AFG2A: variants seen among roughly 807,000 people sequenced by gnomAD.
AFG2A encodes AAA ATPase AFG2A.
chr4:122,948,533 G>T, the AFG2A span, among the ~76,000 whole-genome samples: 2 of 151,928 alleles, frequency 1.3e-5, no homozygotes, highest in Non-Finnish European at 1.5e-5. Flanking sequence ...GTAAACTGGA[G>T]AATCACAATT....
At chr4:123,015,648 G>A in the AFG2A span, among the ~76,000 whole-genome samples, 123,910 of 149,118 alleles carry the variant, frequency 0.83, 52,683 homozygotes, top group East Asian at 0.95. Context: ...TCCCCTTTCT[G>A]TTCCACAAAA....
the AFG2A span, among the ~76,000 whole-genome samples, chr4:123,177,303 C>T: frequency 3.3e-5 from 5 of 151,844 alleles, no homozygotes; most frequent in African/African-American, 1.2e-4. Context: ...AGCAATTCTC[C>T]TGCCTCAGCC....
chr4:122,991,878 A>G, the AFG2A span, among the ~76,000 whole-genome samples: 1 of 152,302 alleles, frequency 6.6e-6, no homozygotes, highest in African/African-American at 2.4e-5. Flanking sequence ...TTTCTCTAGA[A>G]TCGATGTTAT....
At chr4:123,072,741 A>G in the AFG2A span, among the ~76,000 whole-genome samples, 1 of 152,162 alleles carries the variant, frequency 6.6e-6, no homozygotes, top group Non-Finnish European at 1.5e-5. Flanking sequence ...TTGTTTTTCA[A>G]GAAGTCCAGT....
the AFG2A span, among the ~76,000 whole-genome samples, chr4:123,036,668 A>C: frequency 6.6e-6 from 1 of 152,128 alleles, no homozygotes; most frequent in African/African-American, 2.4e-5. Flanking sequence ...AACTTGCCTA[A>C]TTGTAGCCAG....
the AFG2A span, among the ~76,000 whole-genome samples, chr4:123,179,828 C>T: frequency 1.3e-5 from 2 of 152,102 alleles, no homozygotes; most frequent in African/African-American, 4.8e-5. Context: ...AAATCATTAA[C>T]AGAAAATGTG....
chr4:123,212,027 T>G, the AFG2A span, among the ~76,000 whole-genome samples: 1 of 152,152 alleles, frequency 6.6e-6, no homozygotes, highest in African/African-American at 2.4e-5. Flanking sequence ...TACATACACA[T>G]TTCTGTACTG....
chr4:123,284,531 G>A, the AFG2A span, among the ~76,000 whole-genome samples: 2 of 152,192 alleles, frequency 1.3e-5, no homozygotes, highest in African/African-American at 4.8e-5. Flanking sequence ...AGTGGTAGAT[G>A]TCAGCATGAT....
At chr4:123,016,798 T>C in the AFG2A span, among the ~76,000 whole-genome samples, 5 of 152,196 alleles carry the variant, frequency 3.3e-5, no homozygotes, top group Admixed American at 6.5e-5. Context: ...TGTAGCGAGC[T>C]GAGATCACGC....
the AFG2A span, among the ~76,000 whole-genome samples, chr4:122,969,228 G>A: frequency 1.3e-5 from 2 of 151,922 alleles, no homozygotes; most frequent in South Asian, 4.2e-4. Context: ...CTACTGTTAG[G>A]TATATTTTCT....
chr4:123,091,925 A>C, the AFG2A span, among the ~76,000 whole-genome samples: 1 of 152,214 alleles, frequency 6.6e-6, no homozygotes, highest in Admixed American at 6.5e-5. Context: ...GTACATATAC[A>C]CATTCTTTCA....
chr4:123,090,541 A>G, the AFG2A span: 12 of 1,609,152 alleles, frequency 7.5e-6, no homozygotes, highest in African/African-American at 1.5e-4. Context: ...ATTTGAAGAT[A>G]AGTAAAGATA....
At chr4:123,180,889 T>C in the AFG2A span, among the ~76,000 whole-genome samples, 5 of 151,972 alleles carry the variant, frequency 3.3e-5, no homozygotes, top group Non-Finnish European at 2.9e-5. Context: ...AAGGTCTGGG[T>C]AGTAAATATT....
the AFG2A span, among the ~76,000 whole-genome samples, chr4:123,068,395 A>T: frequency 1.1e-4 from 17 of 152,222 alleles, no homozygotes; most frequent in Non-Finnish European, 2.9e-5. Flanking sequence ...AATCTTCAGC[A>T]TTAATTACAG....
the AFG2A span, among the ~76,000 whole-genome samples, chr4:123,112,929 T>C: frequency 1.3e-5 from 2 of 152,212 alleles, no homozygotes; most frequent in African/African-American, 4.8e-5. Context: ...TAAAGGCTTA[T>C]ACTTAAGATG....
the AFG2A span, among the ~76,000 whole-genome samples, chr4:123,179,222 T>C: frequency 6.6e-6 from 1 of 152,082 alleles, no homozygotes; most frequent in Non-Finnish European, 1.5e-5. Context: ...GAAGGAGGAG[T>C]AGGATGGGAG....
At chr4:122,959,838 G>A in the AFG2A span, among the ~76,000 whole-genome samples, 1 of 152,038 alleles carries the variant, frequency 6.6e-6, no homozygotes, top group Non-Finnish European at 1.5e-5. Flanking sequence ...TTTATTCCAG[G>A]TTACTAAGTA....
chr4:123,180,461 A>G, the AFG2A span, among the ~76,000 whole-genome samples: 1 of 152,198 alleles, frequency 6.6e-6, no homozygotes, highest in Non-Finnish European at 1.5e-5. Context: ...TGATGTTTCT[A>G]GTAGGTATAA....
At chr4:122,964,446 G>C in the AFG2A span, among the ~76,000 whole-genome samples, 1 of 149,442 alleles carries the variant, frequency 6.7e-6, no homozygotes, top group Non-Finnish European at 1.5e-5. Context: ...GGAAGTTGCA[G>C]TCAGCCAAAA....
Sources: gnomAD v4.1 joint callset for allele counts (sites outside exome capture counted in the v4.1 genomes callset) on GRCh38, gnomAD v4.1.1 for gene constraint, MANE v1.5 for transcripts, NCBI Gene and HGNC (gene_info 2026-07-23, HGNC 2026-07-21) for gene names.